The following DNAAF5 variants were observed in gnomAD, a reference collection of about 807,000 sequenced individuals.
The protein encoded by DNAAF5 is HEAT repeat containing 2.
In DNAAF5, 64 loss-of-function variants were observed where a neutral mutation model predicts 75.8. That is an observed-to-expected ratio of 0.84 (90% confidence interval 0.69 to 1.04). DNAAF5 has a LOEUF of 1.04. Ranked by LOEUF, DNAAF5 falls within the 50% of genes least tolerant of loss-of-function variation. DNAAF5 has a pLI of 0.00. For synonymous variants in DNAAF5, 657 were observed against 557.2 expected, an observed-to-expected ratio of 1.18 and a Z score of -2.52; for missense variants, 1,269 against 1,178.5, an observed-to-expected ratio of 1.08 and a Z score of -1.12.
chr7:786,031 CAAAAA>C lies in DNAAF5; in HGVS notation c.*380_*384del, dbSNP rs1779135699. 1 of 173,276 alleles carries C rather than the reference CAAAAA, an allele frequency of 5.8e-6. No homozygotes were observed. The highest frequency in any genetic ancestry group is 1.2e-5 in the Non-Finnish European group (1 of 82,416). The allele number at this position is 173,276 out of a possible 1,614,324, so 10.7% of individuals were successfully genotyped here. ...ACCAAGAAGGTTTTTACCTACTTAACAAAAAAGAAAGAAGCCAAAGTGATTAGAAA... is the reference window on the plus strand; with the variant it reads ...ACCAAGAAGGTTTTTACCTACTTAACAGAAAGAAGCCAAAGTGATTAGAAA... On this transcript the variant is annotated 3_prime_UTR_variant, in exon 13 of 13. Coordinates refer to ENST00000297440, the MANE Select transcript of DNAAF5 (RefSeq NM_017802.4).
intron 2 of DNAAF5, among the ~76,000 whole-genome samples, chr7:732,269 G>T (rs1199249166): frequency 6.6e-6 from 1 of 152,386 alleles, no homozygotes; most frequent in South Asian, 2.1e-4. Flanking sequence ...CATGACTGCA[G>T]CTCCGAGCCC....
chr7:734,897 C>T (rs762949029), intron 2 of DNAAF5, among the ~76,000 whole-genome samples: 5 of 152,188 alleles, frequency 3.3e-5, no homozygotes, highest in East Asian at 1.9e-4. Context: ...TAGCTGCTCA[C>T]GGTGTTGCTC....
At chr7:781,678 G>A (rs536895778) in intron 12 of DNAAF5, among the ~76,000 whole-genome samples, 12 of 152,272 alleles carry the variant, frequency 7.9e-5, no homozygotes, top group Non-Finnish European at 1.0e-4. Flanking sequence ...ACTTGTTTCC[G>A]CAGCCATTTT....
intron 9 of DNAAF5, 111 bp from the exon 10 acceptor site, chr7:773,937 A>G: frequency 7.9e-7 from 1 of 1,260,434 alleles, no homozygotes; most frequent in Non-Finnish European, 1.2e-6. Context: ...TTTGGGGTCG[A>G]GTTCGTTTTC....
chr7:780,662 G>A (rs1477830881), intron 12 of DNAAF5, among the ~76,000 whole-genome samples: 2 of 152,174 alleles, frequency 1.3e-5, no homozygotes, highest in Non-Finnish European at 2.9e-5. Context: ...TCAGATAGGC[G>A]TGGGACTTCT....
intron 2 of DNAAF5, among the ~76,000 whole-genome samples, chr7:734,065 TA>T (rs1446188125): frequency 6.6e-6 from 1 of 152,242 alleles, no homozygotes; most frequent in Non-Finnish European, 1.5e-5. Flanking sequence ...CAAGAATAAT[TA>T]TCTTCCTTTT....
chr7:737,286 A>G (rs968741359), intron 2 of DNAAF5, among the ~76,000 whole-genome samples: 1 of 151,958 alleles, frequency 6.6e-6, no homozygotes, highest in Non-Finnish European at 1.5e-5. Flanking sequence ...AGTAGAGACA[A>G]GGTTTCATCA....
chr7:784,173 CG>C (rs1034408330), intron 12 of DNAAF5, among the ~76,000 whole-genome samples: 13 of 152,156 alleles, frequency 8.5e-5, no homozygotes, highest in African/African-American at 3.1e-4. Context: ...GCACAGCTGG[CG>C]GCCACGCACC....
intron 2 of DNAAF5, among the ~76,000 whole-genome samples, chr7:738,720 TAG>T (rs1440242603): frequency 1.3e-5 from 2 of 152,176 alleles, no homozygotes; most frequent in African/African-American, 4.8e-5. Flanking sequence ...TGATACTAAG[TAG>T]AGACTGATAG....
At chr7:761,677 A>G (rs944028079) in intron 6 of DNAAF5, 76 bp from the exon 7 acceptor site, 2 of 1,451,948 alleles carry the variant, frequency 1.4e-6, no homozygotes, top group Non-Finnish European at 1.9e-6. Flanking sequence ...TATGGGAGCT[A>G]CAGTTCAAGA....
chr7:759,262 AACTG>A (rs886096924), intron 6 of DNAAF5, among the ~76,000 whole-genome samples: 1 of 152,196 alleles, frequency 6.6e-6, no homozygotes, highest in African/African-American at 2.4e-5. Context: ...ATGTATTCTA[AACTG>A]AGCCTGGCTT....
Position 774,188 on chromosome 7 carries a change from C to A in DNAAF5, c.2072C>A (p.Ser691Ter). 1 of 1,607,942 alleles carries A rather than the reference C, an allele frequency of 6.2e-7. No homozygotes were observed. Among genetic ancestry groups the A allele is most frequent in the Non-Finnish European group, 8.5e-7 (1 of 1,179,226 alleles). ...LWALTSSEVL[S>*]AEQIRDVQET... ...GCGCTCACCAGCAGCGAGGTCCTGTCGGCAGAGCAGGTACGGGGCTCCCTG... is the reference window on the plus strand; with the variant it reads ...GCGCTCACCAGCAGCGAGGTCCTGTAGGCAGAGCAGGTACGGGGCTCCCTG... Residue 691 changes from serine (S) to a stop codon, truncating the protein, a stop_gained, in exon 10 of 13, where the codon TCG becomes TAG. Transcript: ENST00000297440. LOFTEE classifies it high-confidence loss of function.
Position 780,056 on chromosome 7 carries a change from C to T in DNAAF5, c.2343C>T (p.Ser781=), listed in dbSNP as rs765567916. Residue 781 remains serine (S), a synonymous_variant, in exon 12 of 13, where the codon TCC becomes TCT. Transcript: ENST00000297440. ...LQCVKGANAK[S]YYQSSVQYLY... is the part of the protein sequence containing the mutation. Reference sequence around the variant, plus strand: ...GTGTCAAGGGTGCCAACGCAAAATCCTACTATCAGAGCAGTGTCCAGTACC... The same window carrying T: ...GTGTCAAGGGTGCCAACGCAAAATCTTACTATCAGAGCAGTGTCCAGTACC... 4 of 1,614,104 alleles carry T rather than the reference C, an allele frequency of 2.5e-6. No homozygotes were observed. The highest frequency in any genetic ancestry group is 1.1e-5 in the South Asian group (1 of 91,092).
chr7:732,635 C>T (rs948538611), intron 2 of DNAAF5: 6 of 455,878 alleles, frequency 1.3e-5, no homozygotes, highest in Admixed American at 9.4e-5. Context: ...CATTTGTATG[C>T]CTTCTTTTGA....
At chr7:776,529 G>A (rs1442398092) in intron 11 of DNAAF5, among the ~76,000 whole-genome samples, 1 of 147,180 alleles carries the variant, frequency 6.8e-6, no homozygotes, top group East Asian at 2.0e-4. Flanking sequence ...GGACCTCAGG[G>A]TGGGGCGGCT....
chr7:774,517 C>T (rs561954230), intron 10 of DNAAF5, among the ~76,000 whole-genome samples: 76 of 152,006 alleles, frequency 5.0e-4, no homozygotes, highest in African/African-American at 1.7e-3. Flanking sequence ...GACCAGGAGT[C>T]GAATCCCAGG....
At chr7:780,443 A>G (rs1429249899) in intron 12 of DNAAF5, among the ~76,000 whole-genome samples, 1 of 152,250 alleles carries the variant, frequency 6.6e-6, no homozygotes, top group Non-Finnish European at 1.5e-5. Flanking sequence ...TGTGTTTTTG[A>G]AAAATACTTT....
At chr7:733,438 T>C (rs1389020788) in intron 2 of DNAAF5, among the ~76,000 whole-genome samples, 3 of 152,218 alleles carry the variant, frequency 2.0e-5, no homozygotes, top group Non-Finnish European at 4.4e-5. Context: ...TTCCAGTCCA[T>C]GGAGTATGTT....
intron 4 of DNAAF5, among the ~76,000 whole-genome samples, chr7:744,794 G>C (rs181490651): frequency 0.035 from 5,256 of 152,184 alleles, 93 homozygotes; most frequent in Non-Finnish European, 0.043. Flanking sequence ...ATAGAGACAG[G>C]GTTTCGCCAT....
Sources: gnomAD v4.1 joint callset for allele counts (sites outside exome capture counted in the v4.1 genomes callset) on GRCh38, gnomAD v4.1.1 for gene constraint, MANE v1.5 for transcripts, NCBI Gene and HGNC (gene_info 2026-07-23, HGNC 2026-07-21) for gene names.